The following PTK2B variants were observed in gnomAD, a reference collection of about 807,000 sequenced individuals.
PTK2B encodes protein-tyrosine kinase 2-beta.
PTK2B carries 71 observed loss-of-function variants against 142.9 expected under a neutral mutation model. That is an observed-to-expected ratio of 0.50 (90% CI 0.41 to 0.61). PTK2B has a LOEUF of 0.61. Among genes scored for constraint, PTK2B ranks in the 20% least tolerant of loss-of-function variants. The probability of loss-of-function intolerance (pLI) is 0.00; values close to 1 mark genes in which losing one functional copy is unlikely to be tolerated. For synonymous variants in PTK2B, 519 were observed against 503.4 expected, an observed-to-expected ratio of 1.03 and a Z score of -0.42; for missense variants, 1,105 against 1,320.4, an observed-to-expected ratio of 0.84 and a Z score of 2.53.
chr8:27,420,219 T>C (rs1255227551), intron 3 of PTK2B, 146 bp downstream of exon 3: 2 of 961,640 alleles, frequency 2.1e-6, no homozygotes, highest in Non-Finnish European at 3.1e-6. Context: ...CTTCCTCCAG[T>C]ATCCAATGCA....
At chr8:27,351,032 T>C (rs866179692) in intron 1 of PTK2B, among the ~76,000 whole-genome samples, 9 of 90,434 alleles carry the variant, frequency 1.0e-4, no homozygotes, top group African/African-American at 4.5e-4. Flanking sequence ...TATATATATA[T>C]ATATATATAC....
intron 1 of PTK2B, among the ~76,000 whole-genome samples, chr8:27,381,343 C>T (rs1023405712): frequency 6.6e-5 from 10 of 152,234 alleles, no homozygotes; most frequent in African/African-American, 2.4e-4. Flanking sequence ...CCACCTTCCA[C>T]CCTGCCCTTC....
chr8:27,392,214 C>T (rs981860348), intron 1 of PTK2B, among the ~76,000 whole-genome samples: 5 of 152,060 alleles, frequency 3.3e-5, no homozygotes, highest in Non-Finnish European at 7.4e-5. Flanking sequence ...CATCTCTTCC[C>T]AACTCAGCAT....
chr8:27,361,146 T>C (rs1198492740), intron 1 of PTK2B, among the ~76,000 whole-genome samples: 2 of 152,202 alleles, frequency 1.3e-5, no homozygotes, highest in African/African-American at 2.4e-5. Context: ...CCAATGTCTA[T>C]TATTCCACAC....
chr8:27,390,627 C>A (rs1008004445), intron 1 of PTK2B, among the ~76,000 whole-genome samples: 2 of 152,062 alleles, frequency 1.3e-5, no homozygotes, highest in African/African-American at 2.4e-5. Context: ...AACAACAGAG[C>A]AAGCCCCTAT....
chr8:27,340,116 C>T (rs1431441015), intron 1 of PTK2B, among the ~76,000 whole-genome samples: 1 of 152,220 alleles, frequency 6.6e-6, no homozygotes, highest in African/African-American at 2.4e-5. Context: ...TCACTTAGCA[C>T]CTGCTGTGGG....
chr8:27,445,536 T>C (rs1238776867), intron 23 of PTK2B, among the ~76,000 whole-genome samples: 1 of 152,198 alleles, frequency 6.6e-6, no homozygotes, highest in Non-Finnish European at 1.5e-5. Flanking sequence ...CTGGTCTCAG[T>C]GGGTCCGTAA....
intron 1 of PTK2B, among the ~76,000 whole-genome samples, chr8:27,332,312 C>CT (rs1476255778): frequency 6.6e-6 from 1 of 152,220 alleles, no homozygotes; most frequent in African/African-American, 2.4e-5. Context: ...TACTGCCTCC[C>CT]TAATAGGGTA....
At chr8:27,450,930 C>T (rs1373874944) in intron 25 of PTK2B, 35 bp downstream of exon 25, 4 of 1,613,884 alleles carry the variant, frequency 2.5e-6, no homozygotes, top group East Asian at 4.5e-5. Flanking sequence ...GTGCCCTGCA[C>T]CCATCTGTGT....
chr8:27,339,443 T>G (rs1804262176), intron 1 of PTK2B, among the ~76,000 whole-genome samples: 1 of 152,170 alleles, frequency 6.6e-6, no homozygotes, highest in African/African-American at 2.4e-5. Context: ...CTCCCCATCC[T>G]TTACCATTGG....
chr8:27,330,785 G>A (rs1803699636), intron 1 of PTK2B, among the ~76,000 whole-genome samples: 1 of 152,206 alleles, frequency 6.6e-6, no homozygotes, highest in Non-Finnish European at 1.5e-5. Flanking sequence ...TGGTGTGAAT[G>A]CAGAGTTTAA....
intron 14 of PTK2B, 52 bp from the exon 15 acceptor site, chr8:27,436,199 A>G: frequency 1.9e-6 from 3 of 1,572,742 alleles, no homozygotes; most frequent in Non-Finnish European, 2.6e-6. Context: ...CAGGTTCCCT[A>G]GGGGATACCA....
At chr8:27,335,936 C>T (rs74317051) in intron 1 of PTK2B, among the ~76,000 whole-genome samples, 10,474 of 152,224 alleles carry the variant, frequency 0.069, 456 homozygotes, top group Middle Eastern at 0.12. Context: ...AGTGAGAAGG[C>T]GAGGTACCTA....
chr8:27,420,174 C>G, intron 3 of PTK2B, 101 bp downstream of exon 3: 1 of 1,393,448 alleles, frequency 7.2e-7, no homozygotes, highest in Non-Finnish European at 9.8e-7. Context: ...GCCTCAGAAA[C>G]TTCTAGCAAA....
At chr8:27,407,930 A>G (rs927500766) in intron 2 of PTK2B, among the ~76,000 whole-genome samples, 3 of 152,224 alleles carry the variant, frequency 2.0e-5, no homozygotes, top group African/African-American at 7.2e-5. Context: ...CCTTGAAGCC[A>G]GTCTCAGTAC....
chr8:27,454,081 G>A, intron 28 of PTK2B, 73 bp from the exon 29 acceptor site: 1 of 1,587,138 alleles, frequency 6.3e-7, no homozygotes, highest in Admixed American at 1.7e-5. Context: ...CCACAGTGGT[G>A]CCTGCCCAGG....
chr8:27,378,709 C>G (rs1806828656), intron 1 of PTK2B, among the ~76,000 whole-genome samples: 1 of 151,556 alleles, frequency 6.6e-6, no homozygotes. Flanking sequence ...TTGGTTCCTT[C>G]TGGGGCTCCT....
At chr8:27,366,156 G>C (rs1806008153) in intron 1 of PTK2B, among the ~76,000 whole-genome samples, 1 of 152,192 alleles carries the variant, frequency 6.6e-6, no homozygotes, top group Non-Finnish European at 1.5e-5. Context: ...AGCAAATCAT[G>C]GCTCTTGGGT....
intron 23 of PTK2B, among the ~76,000 whole-genome samples, chr8:27,444,594 A>G (rs943978736): frequency 6.6e-6 from 1 of 152,124 alleles, no homozygotes; most frequent in East Asian, 1.9e-4. Flanking sequence ...ATCCCAGGGA[A>G]TATTTCCCAA....
Sources: gnomAD v4.1 joint callset for allele counts (sites outside exome capture counted in the v4.1 genomes callset) on GRCh38, gnomAD v4.1.1 for gene constraint, MANE v1.5 for transcripts, NCBI Gene and HGNC (gene_info 2026-07-23, HGNC 2026-07-21) for gene names.